Variants in FRAS1 observed in about 807,000 individuals in gnomAD.
FRAS1 encodes extracellular matrix organizing protein FRAS1.
FRAS1 carries 290 observed loss-of-function variants against 435.2 expected under a neutral mutation model. The observed-to-expected ratio is 0.67, with a 90% CI of 0.61 to 0.73. The LOEUF is 0.73. Ranked by LOEUF, FRAS1 falls within the 30% of genes least tolerant of loss-of-function variation. The pLI is 0.00. For missense variants in FRAS1, 4,860 were observed against 5,001.5 expected (o/e 0.97, Z 0.85); for synonymous variants, 1,800 against 1,851.0 (o/e 0.97, Z 0.71).
At chr4:78,143,072 T>C (rs1476516459) in intron 2 of FRAS1, among the ~76,000 whole-genome samples, 1 of 152,068 alleles carries the variant, frequency 6.6e-6, no homozygotes. Context: ...TTTATCAGAT[T>C]GGAAAAACAA....
chr4:78,217,239 A>G (rs187957206), intron 2 of FRAS1, among the ~76,000 whole-genome samples: 7 of 152,196 alleles, frequency 4.6e-5, no homozygotes, highest in Admixed American at 1.3e-4. Flanking sequence ...TCCCTCATTG[A>G]TCTTGTTTAC....
intron 65 of FRAS1, among the ~76,000 whole-genome samples, chr4:78,514,436 A>G (rs1721143218): frequency 6.6e-6 from 1 of 152,254 alleles, no homozygotes; most frequent in African/African-American, 2.4e-5. Context: ...AGTGTTTTTG[A>G]AGACAGAAAT....
chr4:78,327,260 AGGG>A (rs1729755251), intron 18 of FRAS1, among the ~76,000 whole-genome samples: 1 of 152,102 alleles, frequency 6.6e-6, no homozygotes, highest in African/African-American at 2.4e-5. Context: ...AAGGAAAAGG[AGGG>A]TACTCATTTC....
chr4:78,461,957 C>T (rs1013550685), intron 47 of FRAS1, among the ~76,000 whole-genome samples: 2 of 110,268 alleles, frequency 1.8e-5, no homozygotes, highest in African/African-American at 2.8e-5. Context: ...TTGGGGTAGG[C>T]GACGGGAAAG....
rs1159246631 is a variant in FRAS1, at chr4:78,430,372, G to A, written c.4924G>A (p.Val1642Met). The change falls in exon 37 of 74, where the codon GTG becomes ATG. Residue 1642 changes from valine to methionine, a missense_variant. Val to Met is a conservative substitution (Grantham distance 21). Transcript: ENST00000512123. ...GCTTCGGAGACCTCCACAGCATGGT[G>A]TGCTTCTTAAGCATACAGCTGAGTT... ...FELRRPPQHGVLLKHTAEFRR... is the reference protein window; with the variant it reads ...FELRRPPQHGMLLKHTAEFRR... 1 of 1,613,836 alleles carries A rather than the reference G, an allele frequency of 6.2e-7. No individual in the cohort carries two copies.
At chr4:78,063,470 G>C (rs529164387) in intron 1 of FRAS1, among the ~76,000 whole-genome samples, 1 of 152,288 alleles carries the variant, frequency 6.6e-6, no homozygotes, top group South Asian at 2.1e-4. Context: ...AGCTCTCAGA[G>C]GGCAAAGCTT....
chr4:78,188,958 C>T (rs1287035509), intron 2 of FRAS1, among the ~76,000 whole-genome samples: 4 of 151,876 alleles, frequency 2.6e-5, no homozygotes, highest in Admixed American at 2.0e-4. Context: ...CCTACAGATG[C>T]GGTTTTATTT....
At chr4:78,179,843 G>T (rs1721923378) in intron 2 of FRAS1, among the ~76,000 whole-genome samples, 1 of 152,196 alleles carries the variant, frequency 6.6e-6, no homozygotes, top group Admixed American at 6.5e-5. Flanking sequence ...GCAGGGAGTT[G>T]GGCAGTTGGT....
At chr4:78,181,934 T>G (rs1722027667) in intron 2 of FRAS1, 1 of 1,608,988 alleles carries the variant, frequency 6.2e-7, no homozygotes, top group Non-Finnish European at 8.5e-7. Flanking sequence ...GGCTTCTTTT[T>G]TCTTGTTCTC....
intron 33 of FRAS1, 48 bp downstream of exon 33, chr4:78,419,111 G>GTTTTTTTTTTT: frequency 9.3e-7 from 1 of 1,078,134 alleles, no homozygotes; most frequent in South Asian, 1.6e-5. Context: ...TTATCTTCTA[G>GTTTTTTTTTTT]TTTTTTACCA....
intron 2 of FRAS1, among the ~76,000 whole-genome samples, chr4:78,152,985 C>G (rs144581116): frequency 6.6e-6 from 1 of 152,194 alleles, no homozygotes; most frequent in Non-Finnish European, 1.5e-5. Context: ...AGCGACCTGG[C>G]CTGAGCTTGA....
intron 2 of FRAS1, among the ~76,000 whole-genome samples, chr4:78,174,822 G>T (rs976187388): frequency 6.6e-6 from 1 of 152,204 alleles, no homozygotes; most frequent in African/African-American, 2.4e-5. Flanking sequence ...TTTGCTTTGG[G>T]AATACCTGTG....
At chr4:78,088,360 A>C (rs1190203104) in intron 2 of FRAS1, among the ~76,000 whole-genome samples, 1 of 152,234 alleles carries the variant, frequency 6.6e-6, no homozygotes, top group East Asian at 1.9e-4. Context: ...TTCAGGACAT[A>C]GGCATGGGCA....
chr4:78,332,932 C>G (rs345493), intron 18 of FRAS1, among the ~76,000 whole-genome samples: 113,958 of 152,162 alleles, frequency 0.75, 43,231 homozygotes, highest in African/African-American at 0.84. Flanking sequence ...TAGTGATAGA[C>G]AGCTGTCCCA....
At chr4:78,517,042 C>G (rs1405052653) in intron 66 of FRAS1, among the ~76,000 whole-genome samples, 1 of 152,202 alleles carries the variant, frequency 6.6e-6, no homozygotes, top group Non-Finnish European at 1.5e-5. Context: ...AAAACAGGTT[C>G]TATCCAATTT....
chr4:78,297,124 T>A (rs573394668), intron 14 of FRAS1, among the ~76,000 whole-genome samples: 32 of 152,314 alleles, frequency 2.1e-4, no homozygotes, highest in African/African-American at 7.2e-4. Flanking sequence ...TGCCACAAAC[T>A]GGATAATAAC....
intron 58 of FRAS1, among the ~76,000 whole-genome samples, chr4:78,483,095 G>C (rs1720061545): frequency 6.6e-6 from 1 of 152,210 alleles, no homozygotes; most frequent in South Asian, 2.1e-4. Flanking sequence ...AGCATGGGAG[G>C]GGGTGAATAG....
intron 2 of FRAS1, among the ~76,000 whole-genome samples, chr4:78,157,965 A>G (rs1720966589): frequency 1.3e-5 from 2 of 152,086 alleles, no homozygotes; most frequent in African/African-American, 4.8e-5. Flanking sequence ...GACTTTGTTG[A>G]ATATAAGTTG....
chr4:78,522,115 A>C (rs1469814640), intron 68 of FRAS1, among the ~76,000 whole-genome samples: 1 of 152,088 alleles, frequency 6.6e-6, no homozygotes, highest in African/African-American at 2.4e-5. Context: ...CCCTACTTTT[A>C]TTTATTCACA....
Sources: gnomAD v4.1 joint callset for allele counts (sites outside exome capture counted in the v4.1 genomes callset) on GRCh38, gnomAD v4.1.1 for gene constraint, MANE v1.5 for transcripts, NCBI Gene and HGNC (gene_info 2026-07-23, HGNC 2026-07-21) for gene names.